SVIL: variants seen among roughly 807,000 people sequenced by gnomAD.
SVIL encodes the protein supervillin, also known as archvillin.
In SVIL, 101 loss-of-function variants were observed where a neutral mutation model predicts 240.4. The observed-to-expected ratio is 0.42, with a 90% CI of 0.36 to 0.50. The LOEUF (loss-of-function observed/expected upper bound fraction) is 0.50. Ranked by LOEUF, SVIL falls within the 20% of genes least tolerant of loss-of-function variation. The probability of loss-of-function intolerance (pLI) is 0.01; values close to 1 mark genes in which losing one functional copy is unlikely to be tolerated. For missense variants in SVIL, 2,512 were observed against 2,818.7 expected, an observed-to-expected ratio of 0.89 and a Z score of 2.46; for synonymous variants, 999 against 1,100.0, an observed-to-expected ratio of 0.91 and a Z score of 1.82.
chr10:29,692,208 TG>T (rs1442274456), intron 1 of SVIL, among the ~76,000 whole-genome samples: 1 of 152,204 alleles, frequency 6.6e-6, no homozygotes, highest in Non-Finnish European at 1.5e-5. Flanking sequence ...TTCGTCAACA[TG>T]AAAACTGCCT....
chr10:29,549,207 T>C (rs1342132245), intron 6 of SVIL, among the ~76,000 whole-genome samples: 4 of 142,912 alleles, frequency 2.8e-5, no homozygotes, highest in African/African-American at 1.0e-4. Flanking sequence ...AAAAAGTGGG[T>C]GAAGGACATG....
chr10:29,606,830 T>C (rs780660391), intron 1 of SVIL, among the ~76,000 whole-genome samples: 21 of 152,204 alleles, frequency 1.4e-4, no homozygotes, highest in Middle Eastern at 3.4e-3. Flanking sequence ...TCTCAGCTCA[T>C]GGCAACCTCT....
intron 3 of SVIL, among the ~76,000 whole-genome samples, chr10:29,557,644 A>G (rs148032332): frequency 2.7e-4 from 41 of 152,316 alleles, no homozygotes; most frequent in South Asian, 2.1e-3. Context: ...GCAAAGCAAC[A>G]TGTTGCTTCC....
chr10:29,568,015 TCAAAAAAAAAAA>T (rs778266274), intron 2 of SVIL, among the ~76,000 whole-genome samples: 18 of 111,106 alleles, frequency 1.6e-4, no homozygotes, highest in South Asian at 7.7e-4. Context: ...AGACTCCGTC[TCAAAAAAAAAAA>T]CAAAAAAAAA....
At chr10:29,620,467 C>T (rs186359444) in intron 1 of SVIL, among the ~76,000 whole-genome samples, 333 of 152,264 alleles carry the variant, frequency 2.2e-3, no homozygotes, top group Non-Finnish European at 4.2e-3. Flanking sequence ...CAGGTGGCAA[C>T]TCGGATAGTC....
chr10:29,557,403 TG>T (rs1954034869), intron 3 of SVIL, among the ~76,000 whole-genome samples: 4 of 152,082 alleles, frequency 2.6e-5, no homozygotes, highest in African/African-American at 9.7e-5. Context: ...TGGCCTAACA[TG>T]TCCCTTTTCT....
intron 16 of SVIL, among the ~76,000 whole-genome samples, chr10:29,514,996 T>G (rs1950115474): frequency 6.6e-6 from 1 of 152,244 alleles, no homozygotes; most frequent in African/African-American, 2.4e-5. Flanking sequence ...TAACGGGAAG[T>G]AAGCCGTGAA....
At chr10:29,535,585 G>A (rs1564596390) in intron 7 of SVIL, among the ~76,000 whole-genome samples, 1 of 152,184 alleles carries the variant, frequency 6.6e-6, no homozygotes, top group Non-Finnish European at 1.5e-5. Flanking sequence ...AAAGCAAGGA[G>A]GCTGGAAGGG....
At chr10:29,476,746 T>G (rs1267733463) in intron 29 of SVIL, among the ~76,000 whole-genome samples, 3 of 152,254 alleles carry the variant, frequency 2.0e-5, no homozygotes, top group Non-Finnish European at 4.4e-5. Flanking sequence ...ACTAGTTTTC[T>G]TTACAGTTTT....
intron 1 of SVIL, among the ~76,000 whole-genome samples, chr10:29,718,703 G>C (rs1444840130): frequency 2.0e-5 from 3 of 152,170 alleles, no homozygotes; most frequent in Non-Finnish European, 4.4e-5. Flanking sequence ...AGTAGTCAGT[G>C]CATGTTTCTG....
At chr10:29,578,327 C>T (rs1955792597) in intron 1 of SVIL, among the ~76,000 whole-genome samples, 1 of 152,154 alleles carries the variant, frequency 6.6e-6, no homozygotes, top group Non-Finnish European at 1.5e-5. Flanking sequence ...AAGATGAAGG[C>T]AATAAGACCT....
chr10:29,612,502 G>T (rs1957282986), intron 1 of SVIL, among the ~76,000 whole-genome samples: 1 of 152,088 alleles, frequency 6.6e-6, no homozygotes, highest in South Asian at 2.1e-4. Context: ...CTCCCTCCTT[G>T]TGAGACTCAG....
At chr10:29,464,190 G>A (rs1335721946) in intron 34 of SVIL, among the ~76,000 whole-genome samples, 2 of 152,154 alleles carry the variant, frequency 1.3e-5, no homozygotes, top group Non-Finnish European at 2.9e-5. Context: ...TAATCCCAGT[G>A]CTTTGGGAGG....
intron 8 of SVIL, among the ~76,000 whole-genome samples, 173 bp from the exon 9 acceptor site, chr10:29,532,345 T>C (rs964688581): frequency 2.0e-5 from 3 of 152,208 alleles, no homozygotes; most frequent in Non-Finnish European, 4.4e-5. Context: ...AATCCACTAG[T>C]TCCCCATTAG....
At chr10:29,696,213 C>T (rs371240713) in intron 1 of SVIL, among the ~76,000 whole-genome samples, 10 of 151,908 alleles carry the variant, frequency 6.6e-5, no homozygotes, top group African/African-American at 1.9e-4. Context: ...CTCGGCCTCC[C>T]GAGGTGCCAG....
At chr10:29,508,359 T>C (rs1949532656) in intron 17 of SVIL, 5 of 1,288,308 alleles carry the variant, frequency 3.9e-6, no homozygotes, top group Non-Finnish European at 5.1e-6. Context: ...AGATTAGAAA[T>C]GGCACTATCA....
chr10:29,479,297 G>A (rs1041325452), intron 29 of SVIL, among the ~76,000 whole-genome samples: 2 of 152,234 alleles, frequency 1.3e-5, no homozygotes, highest in African/African-American at 2.4e-5. Context: ...GGACTTGAGT[G>A]TCCAGCTCCA....
At chr10:29,598,159 A>G (rs1956670136) in intron 1 of SVIL, among the ~76,000 whole-genome samples, 3 of 152,190 alleles carry the variant, frequency 2.0e-5, no homozygotes. Context: ...ATGATCCCAC[A>G]TAATGATGTA....
chr10:29,730,369 G>A (rs1798837363), intron 1 of SVIL, among the ~76,000 whole-genome samples: 1 of 152,118 alleles, frequency 6.6e-6, no homozygotes, highest in East Asian at 1.9e-4. Flanking sequence ...CGTATAAGTT[G>A]ACCCTTCCAG....
Sources: gnomAD v4.1 joint callset for allele counts (sites outside exome capture counted in the v4.1 genomes callset) on GRCh38, gnomAD v4.1.1 for gene constraint, MANE v1.5 for transcripts, NCBI Gene and HGNC (gene_info 2026-07-23, HGNC 2026-07-21) for gene names.